ZFYVE1: variants seen among roughly 807,000 people sequenced by gnomAD.
ZFYVE1 encodes zinc finger FYVE domain-containing protein 1.
A neutral mutation model predicts 74.4 loss-of-function variants in ZFYVE1; 30 were observed. That is an observed-to-expected ratio of 0.40 (90% CI 0.30 to 0.55). The LOEUF (loss-of-function observed/expected upper bound fraction) is 0.55. ZFYVE1 is among the 20% of genes least tolerant of loss of function. The pLI, the probability that ZFYVE1 is intolerant of heterozygous loss-of-function variation, is 0.42. For synonymous variants in ZFYVE1, 335 were observed against 385.1 expected (o/e 0.87, Z 1.52); for missense variants, 703 against 1,011.6 (o/e 0.69, Z 4.14).
rs1290593387 is a variant in ZFYVE1, at chr14:73,024,538, A to G, written c.-30T>C. 6.5e-7 allele frequency: 1 copy of G among 1,549,710 alleles called. No individual in the cohort carries two copies. The highest frequency in any genetic ancestry group is 8.7e-7 in the Non-Finnish European group (1 of 1,148,712). ...ACGCTGGTAAGGAAACACACCCACC[A>G]TATAATAGTCACTGAGCTTGCCCCG... is the stretch of plus-strand genomic sequence containing the variant. On this transcript the variant is annotated 5_prime_UTR_variant, in exon 2 of 12. An upstream start codon of the reference 5' UTR is lost. Coordinates refer to ENST00000556143, the MANE Select transcript of ZFYVE1 (RefSeq NM_021260.4).
chr14:72,979,437 T>C (rs1594833211), intron 5 of ZFYVE1, among the ~76,000 whole-genome samples: 2 of 150,866 alleles, frequency 1.3e-5, no homozygotes, highest in Admixed American at 6.6e-5. Context: ...GAGGTGGAGG[T>C]TGCAGTGAGT....
intron 4 of ZFYVE1, among the ~76,000 whole-genome samples, chr14:72,992,098 G>C (rs1251072670): frequency 6.6e-6 from 1 of 151,904 alleles, no homozygotes; most frequent in Non-Finnish European, 1.5e-5. Context: ...TAGTAGAAAG[G>C]GGGTTTCACC....
At chr14:73,020,033 G>A (rs138272328) in intron 2 of ZFYVE1, among the ~76,000 whole-genome samples, 11,243 of 152,094 alleles carry the variant, frequency 0.074, 557 homozygotes, top group East Asian at 0.19. Flanking sequence ...AAGGCGGGCA[G>A]GTCACGAGGT....
In ZFYVE1 at chr14:73,003,815, C is replaced by T. The variant is rs138768596; in HGVS notation, c.484-5500G>A. On this transcript the variant is annotated intron_variant, in intron 2 of 11. Coordinates refer to ENST00000556143, the MANE Select transcript of ZFYVE1 (RefSeq NM_021260.4). ...ATAATACTAACAGTTCACTGAATGC[C>T]GGCTGCAGTGACAGTGCCCTTCACT... 1.7e-4 allele frequency among the ~76,000 whole-genome samples: 26 copies of T among 152,280 alleles called. 1 individual carries two copies. The highest frequency in any genetic ancestry group is 6.8e-3 in the Middle Eastern group (2 of 294).
chr14:73,009,594 A>G (rs906586897), intron 2 of ZFYVE1, among the ~76,000 whole-genome samples: 2 of 152,194 alleles, frequency 1.3e-5, no homozygotes, highest in African/African-American at 4.8e-5. Flanking sequence ...CATCTCGACT[A>G]AAAATACAAA....
intron 2 of ZFYVE1, among the ~76,000 whole-genome samples, chr14:73,009,421 T>A (rs1894043065): frequency 6.6e-6 from 1 of 152,098 alleles, no homozygotes; most frequent in South Asian, 2.1e-4. Flanking sequence ...CAAGCCAGAG[T>A]CATCACCATC....
chr14:72,982,479 G>T (rs1893360990), intron 4 of ZFYVE1, among the ~76,000 whole-genome samples: 1 of 151,774 alleles, frequency 6.6e-6, no homozygotes, highest in Admixed American at 6.6e-5. Context: ...CCAAAGGACA[G>T]CAAATGGCCA....
chr14:73,015,829 C>A (rs868127904), intron 2 of ZFYVE1, among the ~76,000 whole-genome samples: 6 of 152,172 alleles, frequency 3.9e-5, no homozygotes, highest in African/African-American at 1.2e-4. Context: ...TCTTGTTGGG[C>A]ACGGTGGCTC....
chr14:72,987,086 T>A, intron 4 of ZFYVE1: 1 of 415,912 alleles, frequency 2.4e-6, no homozygotes, highest in Non-Finnish European at 3.2e-6. Context: ...TTCTATTGTA[T>A]CTATAGGGCT....
In ZFYVE1 at chr14:73,024,584, A is replaced by G; in HGVS notation, c.-76T>C. ...CCCCGGGGGTGAAGACGAAGATTTG[A>G]GTCTGAAGACTGCACGAAACTTCCA... On this transcript the variant is annotated 5_prime_UTR_variant, in exon 2 of 12. Transcript: ENST00000556143. The G allele has an allele frequency of 1.4e-5, 21 of 1,513,024 alleles. No individual in the cohort carries two copies. Among genetic ancestry groups the G allele is most frequent in the Non-Finnish European group, 1.9e-5 (21 of 1,131,746 alleles). 93.7% of individuals were successfully genotyped at this position (1,513,024 alleles called of 1,614,324 possible).
At chr14:72,979,339 A>C (rs1201175991) in intron 5 of ZFYVE1, 3 of 201,908 alleles carry the variant, frequency 1.5e-5, no homozygotes, top group South Asian at 1.9e-4. Context: ...GACTCTACCA[A>C]AAATACAAAA....
intron 2 of ZFYVE1, among the ~76,000 whole-genome samples, chr14:73,006,365 G>A (rs1309893411): frequency 2.6e-5 from 4 of 151,884 alleles, no homozygotes. Context: ...ACTTGAAGCA[G>A]GGAGTTCGAG....
In ZFYVE1 at chr14:73,024,442, C is replaced by T. The variant is rs552662436; in HGVS notation, c.67G>A (p.Ala23Thr). The change falls in exon 2 of 12, where the codon GCT becomes ACT. Residue 23 changes from alanine (A) to threonine (T), a missense_variant. Physicochemically the swap from Ala to Thr is moderately conservative, Grantham distance 58 (BLOSUM62 0). Transcript: ENST00000556143. ...ATAGCTTCATCAGTCCCGCTGCAAG[C>T]GTAACTTTCCTGGCACATCAGCCCC... ...NPGLMCQESY[A>T]CSGTDEAIFE... The T allele has an allele frequency of 8.7e-6, 14 of 1,614,024 alleles. No homozygotes were observed. The highest frequency in any genetic ancestry group is 3.3e-5 in the South Asian group (3 of 91,070).
chr14:73,009,219 A>T (rs1594858539), intron 2 of ZFYVE1, among the ~76,000 whole-genome samples: 1 of 152,232 alleles, frequency 6.6e-6, no homozygotes, highest in African/African-American at 2.4e-5. Flanking sequence ...TGACTTTAGG[A>T]TAACTTTATT....
intron 2 of ZFYVE1, among the ~76,000 whole-genome samples, chr14:73,004,690 C>A (rs983550225): frequency 1.3e-5 from 2 of 152,044 alleles, no homozygotes; most frequent in African/African-American, 4.8e-5. Flanking sequence ...GCACCGACTG[C>A]ATTTTCGTCA....
At chr14:72,999,780 CG>C (rs1358690190) in intron 2 of ZFYVE1, among the ~76,000 whole-genome samples, 3 of 152,130 alleles carry the variant, frequency 2.0e-5, no homozygotes, top group African/African-American at 7.2e-5. Flanking sequence ...AACAAAGAGG[CG>C]GGGCATGGTA....
At chr14:72,986,640 A>G (rs1893489523) in intron 4 of ZFYVE1, among the ~76,000 whole-genome samples, 1 of 149,388 alleles carries the variant, frequency 6.7e-6, no homozygotes, top group Non-Finnish European at 1.5e-5. Flanking sequence ...GGCTCACTGC[A>G]ATCTCCGCCT....
At chr14:72,972,289 G>A (rs1173491671) in intron 11 of ZFYVE1, among the ~76,000 whole-genome samples, 1 of 152,120 alleles carries the variant, frequency 6.6e-6, no homozygotes, top group Non-Finnish European at 1.5e-5. Flanking sequence ...CTGTGATGAG[G>A]ATGAGAAGAA....
chr14:73,004,452 A>T (rs1208317459), intron 2 of ZFYVE1, among the ~76,000 whole-genome samples: 1 of 150,034 alleles, frequency 6.7e-6, no homozygotes, highest in Non-Finnish European at 1.5e-5. Flanking sequence ...TGTCCACCAA[A>T]TGATGTACTA....
Sources: gnomAD v4.1 joint callset for allele counts (sites outside exome capture counted in the v4.1 genomes callset) on GRCh38, gnomAD v4.1.1 for gene constraint, MANE v1.5 for transcripts, NCBI Gene and HGNC (gene_info 2026-07-23, HGNC 2026-07-21) for gene names.